The following CACNA2D3 variants were observed in gnomAD, a reference collection of about 807,000 sequenced individuals.
The protein encoded by CACNA2D3 is voltage-dependent calcium channel subunit alpha-2/delta-3.
In CACNA2D3, 60 loss-of-function variants were observed where a neutral mutation model predicts 160.6. The observed-to-expected ratio is 0.37, with a 90% confidence interval of 0.30 to 0.46. The LOEUF (loss-of-function observed/expected upper bound fraction) is 0.46. Among genes scored for constraint, CACNA2D3 ranks in the 20% least tolerant of loss-of-function variants. The pLI is 1.00. For synonymous variants in CACNA2D3, 558 were observed against 492.9 expected, an observed-to-expected ratio of 1.13 and a Z score of -1.75; for missense variants, 1,205 against 1,365.0, an observed-to-expected ratio of 0.88 and a Z score of 1.85.
intron 2 of CACNA2D3, among the ~76,000 whole-genome samples, chr3:54,195,749 C>T (rs1031795827): frequency 1.3e-5 from 2 of 152,038 alleles, no homozygotes; most frequent in East Asian, 1.9e-4. Context: ...TGGTGGACAC[C>T]GTTGGTGTTT....
intron 11 of CACNA2D3, among the ~76,000 whole-genome samples, chr3:54,701,434 G>A (rs1455419143): frequency 6.6e-6 from 1 of 152,248 alleles, no homozygotes; most frequent in East Asian, 1.9e-4. Context: ...TCTAGCTCCT[G>A]TTCACAAGGA....
chr3:54,464,854 C>A (rs2106855719), intron 4 of CACNA2D3, among the ~76,000 whole-genome samples: 1 of 152,328 alleles, frequency 6.6e-6, no homozygotes, highest in South Asian at 2.1e-4. Flanking sequence ...CAGAAATCAC[C>A]CCTCTTCTGC....
At chr3:54,676,076 TC>T in intron 11 of CACNA2D3, among the ~76,000 whole-genome samples, 1 of 152,132 alleles carries the variant, frequency 6.6e-6, no homozygotes, top group Non-Finnish European at 1.5e-5. Context: ...ACCCCTTACT[TC>T]CCTGAGCCTC....
At chr3:54,795,631 A>G (rs922200770) in intron 13 of CACNA2D3, among the ~76,000 whole-genome samples, 5 of 152,152 alleles carry the variant, frequency 3.3e-5, no homozygotes, top group African/African-American at 1.2e-4. Flanking sequence ...CTTTCACTCT[A>G]AGGCAACCAT....
chr3:54,596,045 C>CG (rs1039133220), intron 9 of CACNA2D3, among the ~76,000 whole-genome samples: 1 of 152,006 alleles, frequency 6.6e-6, no homozygotes, highest in African/African-American at 2.4e-5. Flanking sequence ...GTGGGGAGGG[C>CG]GGGGGAAGAA....
At chr3:54,915,389 G>A (rs1700640072) in intron 27 of CACNA2D3, among the ~76,000 whole-genome samples, 2 of 152,134 alleles carry the variant, frequency 1.3e-5, no homozygotes, top group Non-Finnish European at 2.9e-5. Context: ...TAAATATGAC[G>A]AAAGAACTAT....
intron 3 of CACNA2D3, among the ~76,000 whole-genome samples, chr3:54,358,900 T>A (rs1271336994): frequency 6.6e-6 from 1 of 152,038 alleles, no homozygotes; most frequent in Non-Finnish European, 1.5e-5. Context: ...TCTAGGACAA[T>A]TTTTTTTCCT....
At chr3:54,738,922 C>G (rs896295014) in intron 11 of CACNA2D3, among the ~76,000 whole-genome samples, 1 of 152,066 alleles carries the variant, frequency 6.6e-6, no homozygotes, top group Admixed American at 6.6e-5. Flanking sequence ...GCGGCCGAGG[C>G]TATCTTGAGC....
intron 4 of CACNA2D3, among the ~76,000 whole-genome samples, chr3:54,406,731 T>C (rs576534907): frequency 1.4e-4 from 21 of 152,236 alleles, no homozygotes; most frequent in Non-Finnish European, 2.9e-4. Flanking sequence ...GAAGTACAAG[T>C]TGATCTAATG....
intron 2 of CACNA2D3, among the ~76,000 whole-genome samples, chr3:54,124,882 A>G (rs1699557255): frequency 6.6e-6 from 1 of 152,206 alleles, no homozygotes; most frequent in African/African-American, 2.4e-5. Flanking sequence ...GAAGATGAGA[A>G]TTTACATACC....
intron 14 of CACNA2D3, among the ~76,000 whole-genome samples, chr3:54,819,848 AAC>A (rs150854721): frequency 1.3e-5 from 2 of 151,538 alleles, no homozygotes; most frequent in South Asian, 2.1e-4. Context: ...CACCTCAAAA[AAC>A]ACACACACAC....
rs1405033579 is a variant in CACNA2D3 at position 55,073,448 on chromosome 3, C to G, written c.2991C>G (p.Ser997=). 3 of 1,613,074 alleles carry G rather than the reference C, an allele frequency of 1.9e-6. No homozygotes were observed. The highest frequency in any genetic ancestry group is 1.7e-6 in the Non-Finnish European group (2 of 1,179,214). Residue 997 remains serine, a synonymous_variant, in exon 36 of 38, where the codon TCC becomes TCG. Coordinates refer to ENST00000474759, the MANE Select transcript of CACNA2D3 (RefSeq NM_018398.3). ...GNIACEDCSK[S]FVIQQIPSSN... is the part of the protein sequence containing the mutation. Reference sequence around the variant, plus strand: ...TCGCTACCTCTTGTTCCAACAGGTCCTTTGTCATCCAGCAAATCCCAAGCA... The same window carrying G: ...TCGCTACCTCTTGTTCCAACAGGTCGTTTGTCATCCAGCAAATCCCAAGCA...
intron 4 of CACNA2D3, among the ~76,000 whole-genome samples, chr3:54,410,419 C>A (rs748491536): frequency 2.0e-5 from 3 of 152,058 alleles, no homozygotes; most frequent in Non-Finnish European, 2.9e-5. Flanking sequence ...AAAGCTCGGG[C>A]TGACTCTCTT....
At chr3:54,289,597 C>G (rs1049533808) in intron 2 of CACNA2D3, among the ~76,000 whole-genome samples, 2 of 152,194 alleles carry the variant, frequency 1.3e-5, no homozygotes, top group Non-Finnish European at 2.9e-5. Context: ...CCCGCATCAC[C>G]AAGTCAATCC....
chr3:54,157,790 C>CT (rs1412556302), intron 2 of CACNA2D3, among the ~76,000 whole-genome samples: 3 of 136,144 alleles, frequency 2.2e-5, no homozygotes, highest in Non-Finnish European at 3.1e-5. Flanking sequence ...AAAACTCCGT[C>CT]TAAAAAAAAC....
At chr3:54,206,349 C>G (rs1448888580) in intron 2 of CACNA2D3, among the ~76,000 whole-genome samples, 3 of 152,042 alleles carry the variant, frequency 2.0e-5, no homozygotes, top group Non-Finnish European at 4.4e-5. Context: ...AGGTTTAACC[C>G]AGGGGAAAAT....
At chr3:54,843,752 T>C (rs1226922449) in intron 16 of CACNA2D3, among the ~76,000 whole-genome samples, 2 of 152,070 alleles carry the variant, frequency 1.3e-5, no homozygotes, top group Non-Finnish European at 2.9e-5. Flanking sequence ...AATATAGTAG[T>C]GGTACAGTTG....
At chr3:54,510,414 C>G (rs890259640) in intron 5 of CACNA2D3, among the ~76,000 whole-genome samples, 3 of 152,182 alleles carry the variant, frequency 2.0e-5, no homozygotes, top group Admixed American at 6.5e-5. Context: ...CTTCCACAGC[C>G]TCTGTTCTAG....
At chr3:54,606,685 C>T (rs565273149) in intron 9 of CACNA2D3, among the ~76,000 whole-genome samples, 1 of 152,094 alleles carries the variant, frequency 6.6e-6, no homozygotes, top group Non-Finnish European at 1.5e-5. Context: ...TCCATTCCAG[C>T]CTGCATTTGT....
Sources: allele counts gnomAD v4.1 joint callset (sites outside exome capture counted in the v4.1 genomes callset), GRCh38; gene constraint gnomAD v4.1.1; transcripts MANE v1.5; gene names NCBI Gene and HGNC (gene_info 2026-07-23, HGNC 2026-07-21).